The following PLPPR1 variants were observed in gnomAD, a reference collection of about 807,000 sequenced individuals.
PLPPR1 encodes phospholipid phosphatase related 1, also known as phospholipid phosphatase-related protein type 1.
Under a neutral mutation model 33.1 loss-of-function variants are expected in PLPPR1, and 10 were observed. The ratio of observed to expected loss-of-function variants is 0.30; its 90% CI spans 0.19 to 0.51. PLPPR1 has a LOEUF of 0.51. PLPPR1 is among the 20% of genes least tolerant of loss of function. The probability of loss-of-function intolerance (pLI) is 0.97; values close to 1 mark genes in which losing one functional copy is unlikely to be tolerated. For missense variants in PLPPR1, 304 were observed against 408.1 expected, an observed-to-expected ratio of 0.74 and a Z score of 2.20; for synonymous variants, 151 against 151.0, an observed-to-expected ratio of 1.00 and a Z score of 0.00.
chr9:101,222,012 A>G (rs1262955585), intron 2 of PLPPR1, among the ~76,000 whole-genome samples: 1 of 152,226 alleles, frequency 6.6e-6, no homozygotes, highest in Non-Finnish European at 1.5e-5. Flanking sequence ...CAGCATCAAC[A>G]TATAACAACA....
intron 2 of PLPPR1, among the ~76,000 whole-genome samples, chr9:101,246,122 A>T (rs1404764209): frequency 7.0e-6 from 1 of 142,556 alleles, no homozygotes; most frequent in Non-Finnish European, 1.5e-5. Context: ...ATAGATAGAT[A>T]GATTTGTATA....
intron 4 of PLPPR1, among the ~76,000 whole-genome samples, chr9:101,297,925 A>G (rs569382124): frequency 6.6e-6 from 1 of 152,304 alleles, no homozygotes; most frequent in Admixed American, 6.5e-5. Context: ...TAAGTAAGGA[A>G]GTTACATTTT....
At chr9:101,156,314 C>T (rs1831685076) in intron 1 of PLPPR1, among the ~76,000 whole-genome samples, 1 of 151,880 alleles carries the variant, frequency 6.6e-6, no homozygotes, top group South Asian at 2.1e-4. Flanking sequence ...ATTTGAGAGG[C>T]CAAGGCAGAT....
At chr9:101,058,659 TA>T (rs1486599196) in intron 1 of PLPPR1, among the ~76,000 whole-genome samples, 2 of 152,174 alleles carry the variant, frequency 1.3e-5, no homozygotes, top group African/African-American at 2.4e-5. Flanking sequence ...ACATTTAAAT[TA>T]TTTTTTTCTA....
chr9:101,206,277 C>T (rs1283196412), intron 2 of PLPPR1, among the ~76,000 whole-genome samples: 1 of 150,558 alleles, frequency 6.6e-6, no homozygotes, highest in Non-Finnish European at 1.5e-5. Flanking sequence ...ATATTCAGGA[C>T]CAAGTCTTGT....
At chr9:101,262,861 G>T (rs1410414074) in intron 2 of PLPPR1, among the ~76,000 whole-genome samples, 1 of 152,120 alleles carries the variant, frequency 6.6e-6, no homozygotes, top group South Asian at 2.1e-4. Flanking sequence ...GCAAGGACAT[G>T]GATGAAGCAG....
intron 1 of PLPPR1, among the ~76,000 whole-genome samples, chr9:101,067,382 G>A (rs954776971): frequency 1.3e-5 from 2 of 151,938 alleles, no homozygotes; most frequent in African/African-American, 4.8e-5. Context: ...TTGTGGCCTT[G>A]GGCTGTGAAT....
At chr9:101,263,531 G>C (rs112653866) in intron 2 of PLPPR1, among the ~76,000 whole-genome samples, 91 of 152,304 alleles carry the variant, frequency 6.0e-4, no homozygotes, top group African/African-American at 2.1e-3. Flanking sequence ...ATTTTTGTGA[G>C]ACGATTATTA....
At chr9:101,180,318 C>A (rs1200580011) in intron 1 of PLPPR1, among the ~76,000 whole-genome samples, 3 of 150,614 alleles carry the variant, frequency 2.0e-5, no homozygotes, top group Non-Finnish European at 4.4e-5. Context: ...CCATACTACC[C>A]AAAGAGGTCT....
intron 2 of PLPPR1, among the ~76,000 whole-genome samples, chr9:101,235,953 G>A (rs2118831743): frequency 6.6e-6 from 1 of 151,798 alleles, no homozygotes; most frequent in African/African-American, 2.4e-5. Context: ...TGACAAAATG[G>A]GAACCAGAAC....
intron 2 of PLPPR1, among the ~76,000 whole-genome samples, chr9:101,250,228 T>C (rs560196275): frequency 6.8e-4 from 103 of 152,164 alleles, no homozygotes; most frequent in Non-Finnish European, 1.3e-3. Flanking sequence ...AATTCTGTCA[T>C]GCCCTTTGTT....
intron 2 of PLPPR1, among the ~76,000 whole-genome samples, chr9:101,261,883 A>G (rs1394889361): frequency 1.3e-5 from 2 of 152,134 alleles, no homozygotes; most frequent in African/African-American, 4.8e-5. Flanking sequence ...ACTAGACTTT[A>G]TACCTACGTG....
At chr9:101,199,036 G>T (rs573571864) in intron 2 of PLPPR1, among the ~76,000 whole-genome samples, 49 of 152,188 alleles carry the variant, frequency 3.2e-4, no homozygotes, top group Non-Finnish European at 6.5e-4. Context: ...AGAACCTGGA[G>T]CCATGGAAAG....
In PLPPR1 at chr9:101,225,510, A is replaced by T. The variant is rs1040557172; in HGVS notation, c.63+39953A>T. On this transcript the variant is annotated intron_variant, in intron 2 of 7. Transcript: ENST00000374874. ...ACTGCCATACAAGGATTTACCCATA[A>T]ACTCCTGTTTCCCAGAATTTCTTAA... Among the ~76,000 whole-genome samples the T allele has an allele frequency of 5.9e-5, 9 of 152,252 alleles. No homozygotes were observed. In the South Asian group the frequency reaches 1.9e-3, roughly 32 times the overall value.
intron 2 of PLPPR1, among the ~76,000 whole-genome samples, chr9:101,238,167 A>G (rs1827359373): frequency 7.3e-6 from 1 of 137,852 alleles, no homozygotes; most frequent in Non-Finnish European, 1.6e-5. Flanking sequence ...ACACACATAT[A>G]TATACCCTAT....
At chr9:101,312,122 A>C (rs906760101) in intron 5 of PLPPR1, among the ~76,000 whole-genome samples, 3 of 152,228 alleles carry the variant, frequency 2.0e-5, no homozygotes, top group Admixed American at 2.0e-4. Flanking sequence ...CACACAGAAA[A>C]TTTTAATATT....
chr9:101,166,336 G>A (rs937658383), intron 1 of PLPPR1, among the ~76,000 whole-genome samples: 5 of 152,150 alleles, frequency 3.3e-5, no homozygotes, highest in East Asian at 1.9e-4. Context: ...GTTAAATACC[G>A]CATTATAGGC....
intron 5 of PLPPR1, 63 bp downstream of exon 5, chr9:101,309,524 C>G: frequency 6.5e-7 from 1 of 1,546,864 alleles, no homozygotes; most frequent in Non-Finnish European, 8.8e-7. Flanking sequence ...TCTCCCTGCC[C>G]TGTCTCCATT....
At chr9:101,061,686 A>G (rs1173778160) in intron 1 of PLPPR1, among the ~76,000 whole-genome samples, 1 of 150,084 alleles carries the variant, frequency 6.7e-6, no homozygotes, top group South Asian at 2.2e-4. Flanking sequence ...GACTTGTTAG[A>G]GACTATTTTC....
Sources: allele counts gnomAD v4.1 joint callset (sites outside exome capture counted in the v4.1 genomes callset), GRCh38; gene constraint gnomAD v4.1.1; transcripts MANE v1.5; gene names NCBI Gene and HGNC (gene_info 2026-07-23, HGNC 2026-07-21).